The following MLIP variants were observed in gnomAD, a reference collection of about 807,000 sequenced individuals.
The protein encoded by MLIP is muscular LMNA-interacting protein.
In MLIP, 79 loss-of-function variants were observed where a neutral mutation model predicts 84.8. The ratio of observed to expected loss-of-function variants is 0.93; its 90% CI spans 0.78 to 1.12. MLIP has a LOEUF of 1.12. Ranked by LOEUF, MLIP falls within the 50% of genes most tolerant of loss-of-function variation. The pLI, the probability that MLIP is intolerant of heterozygous loss-of-function variation, is 0.00. For synonymous variants in MLIP, 504 were observed against 463.0 expected (o/e 1.09, Z -1.14); for missense variants, 1,257 against 1,160.6 (o/e 1.08, Z -1.21).
At chr6:54,136,595 G>A in intron 3 of MLIP, 120 bp from the exon 4 acceptor site, 4 of 925,044 alleles carry the variant, frequency 4.3e-6, no homozygotes, top group Non-Finnish European at 6.0e-6. Context: ...TCATTTTTGT[G>A]GAGGTTTAAG....
intron 1 of MLIP, among the ~76,000 whole-genome samples, chr6:54,030,155 T>G (rs1287815441): frequency 6.6e-6 from 1 of 152,228 alleles, no homozygotes. Context: ...GAAGTGTGCC[T>G]TGAAAATTTT....
intron 5 of MLIP, among the ~76,000 whole-genome samples, chr6:54,154,092 T>C (rs1225054619): frequency 6.6e-6 from 1 of 151,996 alleles, no homozygotes; most frequent in African/African-American, 2.4e-5. Context: ...TATTTAATTA[T>C]GCATATTTAT....
At chr6:54,261,809 C>T (rs1783412303) in intron 13 of MLIP, 8 of 844,016 alleles carry the variant, frequency 9.5e-6, no homozygotes, top group Non-Finnish European at 1.0e-5. Flanking sequence ...GAAAAAGGCC[C>T]ACTCTATTCT....
At chr6:54,238,249 C>A (rs1781496140) in intron 12 of MLIP, among the ~76,000 whole-genome samples, 1 of 152,150 alleles carries the variant, frequency 6.6e-6, no homozygotes, top group South Asian at 2.1e-4. Flanking sequence ...AGAAAACTAA[C>A]ACACACATAA....
At chr6:54,227,577 G>A (rs1780666631) in intron 11 of MLIP, among the ~76,000 whole-genome samples, 1 of 152,158 alleles carries the variant, frequency 6.6e-6, no homozygotes, top group Non-Finnish European at 1.5e-5. Context: ...GAAATCCTGT[G>A]TGCTTCCAGA....
At chr6:54,115,771 A>G (rs1304957448) in intron 1 of MLIP, among the ~76,000 whole-genome samples, 1 of 152,144 alleles carries the variant, frequency 6.6e-6, no homozygotes, top group Non-Finnish European at 1.5e-5. Flanking sequence ...GTTTTTAGAC[A>G]AGAGAGAAGA....
chr6:54,134,410 G>A (rs1445093690), intron 3 of MLIP, among the ~76,000 whole-genome samples: 2 of 151,884 alleles, frequency 1.3e-5, no homozygotes, highest in Non-Finnish European at 2.9e-5. Context: ...ATATTTGCAA[G>A]TTAGAAAGGA....
chr6:54,124,958 CAGACAAAA>C, intron 3 of MLIP, 93 bp downstream of exon 3: 1 of 1,131,590 alleles, frequency 8.8e-7, no homozygotes, highest in East Asian at 2.6e-5. Flanking sequence ...CTGTTTAAGG[CAGACAAAA>C]CTTTCAAAGA....
intron 1 of MLIP, among the ~76,000 whole-genome samples, chr6:54,081,782 T>C (rs940280078): frequency 6.6e-6 from 1 of 152,194 alleles, no homozygotes; most frequent in Non-Finnish European, 1.5e-5. Flanking sequence ...TGGATACCCA[T>C]GATTACTCAC....
chr6:54,142,568 C>T (rs1772410136), intron 4 of MLIP, among the ~76,000 whole-genome samples: 1 of 152,108 alleles, frequency 6.6e-6, no homozygotes. Flanking sequence ...TTGAGGTTGT[C>T]AGAGGGAGAT....
At chr6:54,070,292 T>C (rs1766406608) in intron 1 of MLIP, among the ~76,000 whole-genome samples, 1 of 152,196 alleles carries the variant, frequency 6.6e-6, no homozygotes, top group Admixed American at 6.5e-5. Context: ...TAGCACAGTT[T>C]GATATGATGT....
At chr6:54,125,585 A>G (rs1460828895) in intron 3 of MLIP, among the ~76,000 whole-genome samples, 3 of 152,194 alleles carry the variant, frequency 2.0e-5, no homozygotes, top group African/African-American at 7.2e-5. Flanking sequence ...AAAATAGAAT[A>G]ATTTGCCATT....
intron 1 of MLIP, among the ~76,000 whole-genome samples, chr6:54,071,747 G>C (rs1766497702): frequency 6.6e-6 from 1 of 152,130 alleles, no homozygotes; most frequent in African/African-American, 2.4e-5. Flanking sequence ...TACTTCATGA[G>C]CTATGTCTTG....
At chr6:54,220,322 A>G (rs1245174271) in intron 11 of MLIP, among the ~76,000 whole-genome samples, 1 of 152,192 alleles carries the variant, frequency 6.6e-6, no homozygotes, top group Non-Finnish European at 1.5e-5. Flanking sequence ...TGCAATTTTC[A>G]GTACTGTTTA....
At chr6:54,215,930 C>T (rs1582528287) in intron 11 of MLIP, 1 of 157,894 alleles carries the variant, frequency 6.3e-6, no homozygotes, top group East Asian at 1.9e-4. Flanking sequence ...CAATATTTGT[C>T]CTTTTGTGAC....
intron 10 of MLIP, among the ~76,000 whole-genome samples, chr6:54,191,474 G>GT (rs1777912670): frequency 2.6e-5 from 4 of 151,978 alleles, no homozygotes; most frequent in African/African-American, 9.7e-5. Context: ...GTGTGTGTGT[G>GT]GGGGGGCAAT....
intron 1 of MLIP, among the ~76,000 whole-genome samples, chr6:54,120,609 C>A (rs941195384): frequency 3.3e-5 from 5 of 152,116 alleles, no homozygotes; most frequent in Non-Finnish European, 7.4e-5. Context: ...TTTCAATCAA[C>A]AATGTTAACA....
At chr6:54,019,760 T>G (rs2150257090) in intron 1 of MLIP, among the ~76,000 whole-genome samples, 1 of 152,226 alleles carries the variant, frequency 6.6e-6, no homozygotes, top group South Asian at 2.1e-4. Context: ...TAACTAATGT[T>G]AATATCAGCA....
chr6:54,080,712 T>C (rs1236149426), intron 1 of MLIP, among the ~76,000 whole-genome samples: 1 of 148,172 alleles, frequency 6.7e-6, no homozygotes, highest in African/African-American at 2.4e-5. Flanking sequence ...ATAAGTAATT[T>C]ATATAATATA....
Sources: gnomAD v4.1 joint callset for allele counts (sites outside exome capture counted in the v4.1 genomes callset) on GRCh38, gnomAD v4.1.1 for gene constraint, MANE v1.5 for transcripts, NCBI Gene and HGNC (gene_info 2026-07-23, HGNC 2026-07-21) for gene names.